The following NCEH1 variants were observed in gnomAD, a reference collection of about 807,000 sequenced individuals.
NCEH1 encodes neutral cholesterol ester hydrolase 1.
NCEH1 carries 9 observed loss-of-function variants against 25.4 expected under a neutral mutation model. The ratio of observed to expected loss-of-function variants is 0.35; its 90% CI spans 0.21 to 0.62. The LOEUF is 0.62. Ranked by LOEUF, NCEH1 falls within the 20% of genes least tolerant of loss-of-function variation. NCEH1 has a pLI of 0.72. For missense variants in NCEH1, 412 were observed against 501.1 expected (o/e 0.82, Z 1.70); for synonymous variants, 200 against 199.8 (o/e 1.00, Z -0.01).
At chr3:172,687,212 G>C (rs1256354465) in intron 1 of NCEH1, among the ~76,000 whole-genome samples, 2 of 152,022 alleles carry the variant, frequency 1.3e-5, no homozygotes, top group Non-Finnish European at 2.9e-5. Flanking sequence ...CGCTTCTCTT[G>C]GCCCCTGCGT....
intron 1 of NCEH1, among the ~76,000 whole-genome samples, chr3:172,670,923 G>C (rs1289849546): frequency 2.0e-5 from 3 of 152,102 alleles, no homozygotes; most frequent in Admixed American, 1.3e-4. Context: ...ATAGTAACCA[G>C]ATAAATGACT....
chr3:172,685,815 C>A (rs1427203476), intron 1 of NCEH1, among the ~76,000 whole-genome samples: 3 of 152,182 alleles, frequency 2.0e-5, no homozygotes, highest in Admixed American at 6.6e-5. Flanking sequence ...ACAACCAGAT[C>A]TCTGACCTCT....
Position 172,633,515 on chromosome 3 carries a change from G to C in NCEH1, c.1187C>G (p.Thr396Ser), listed in dbSNP as rs747618576. The C allele has an allele frequency of 6.2e-7, 1 of 1,614,030 alleles. No homozygotes were observed. Among genetic ancestry groups the C allele is most frequent in the African/African-American group, 1.3e-5 (1 of 75,010 alleles). ...WPTNFSVGIR[T>S]RNSYIKWLDQ... ...TAGCCACTTGATGTAACTATTCCTA[G>C]TCCGGATTCCCACTGAGAAGTTGGT... The change falls in exon 5 of 5, where the codon ACT (threonine) becomes AGT (serine). Residue 396 changes from threonine to serine, a missense_variant. Around this residue, in one of 3 missense-constraint regions of NCEH1, gnomAD observed 210 missense variants for 258.2 expected, o/e 0.81. Coordinates refer to ENST00000475381, the MANE Select transcript of NCEH1 (RefSeq NM_020792.6).
At chr3:172,664,749 C>A (rs1718125912) in intron 1 of NCEH1, among the ~76,000 whole-genome samples, 1 of 152,192 alleles carries the variant, frequency 6.6e-6, no homozygotes, top group South Asian at 2.1e-4. Flanking sequence ...TTGATCGAAT[C>A]GGCTACTGAA....
At chr3:172,677,874 G>C (rs1712110467) in intron 1 of NCEH1, among the ~76,000 whole-genome samples, 1 of 152,258 alleles carries the variant, frequency 6.6e-6, no homozygotes, top group Non-Finnish European at 1.5e-5. Context: ...CCTGCAGTGA[G>C]CTGAGATCGT....
At chr3:172,657,787 C>G (rs1717770491) in intron 1 of NCEH1, among the ~76,000 whole-genome samples, 1 of 152,226 alleles carries the variant, frequency 6.6e-6, no homozygotes, top group Admixed American at 6.5e-5. Context: ...CACCACCCTA[C>G]CCCTTGCAGT....
chr3:172,653,994 A>G (rs1291720630), intron 1 of NCEH1, among the ~76,000 whole-genome samples: 1 of 151,800 alleles, frequency 6.6e-6, no homozygotes, highest in Admixed American at 6.6e-5. Context: ...TGACCTCATG[A>G]TCCTCCCGCC....
chr3:172,634,091 A>C lies in NCEH1; in HGVS notation c.611T>G (p.Phe204Cys). 6.2e-7 allele frequency: 1 copy of C among 1,611,794 alleles called. No individual in the cohort carries two copies. Among genetic ancestry groups the C allele is most frequent in the Non-Finnish European group, 8.5e-7 (1 of 1,179,028 alleles). The change falls in exon 5 of 5, where the codon TTT (phenylalanine) becomes TGT (cysteine). Residue 204 changes from phenylalanine to cysteine, a missense_variant and splice_region_variant. By Grantham distance (205) the Phe-to-Cys change is radical. This residue lies in a region of NCEH1 where 210 missense variants were observed against 258.2 expected (regional missense o/e 0.81). Coordinates refer to ENST00000475381, the MANE Select transcript of NCEH1 (RefSeq NM_020792.6). ...ATTTTTTAGGCTGGCATCTTGAGTA[A>C]ACTAGAGAAGAGGAAGCAAATACAT... The part of the protein sequence containing the change: ...GNLAAALGQQ[F>C]TQDASLKNKL...
chr3:172,684,872 T>C (rs1712610841), intron 1 of NCEH1, among the ~76,000 whole-genome samples: 1 of 152,102 alleles, frequency 6.6e-6, no homozygotes, highest in African/African-American at 2.4e-5. Flanking sequence ...TCCCAGCTAC[T>C]TGGGAGGCTG....
chr3:172,659,893 T>C (rs757623240), intron 1 of NCEH1, among the ~76,000 whole-genome samples: 2 of 152,106 alleles, frequency 1.3e-5, no homozygotes, highest in Non-Finnish European at 2.9e-5. Context: ...CTGGTAATAA[T>C]ACAGGAGTTA....
At chr3:172,705,396 T>G (rs980049646) in intron 1 of NCEH1, among the ~76,000 whole-genome samples, 2 of 152,190 alleles carry the variant, frequency 1.3e-5, no homozygotes, top group African/African-American at 4.8e-5. Context: ...TCTTTATCTA[T>G]GATAAACATG....
chr3:172,696,049 C>T (rs1395595276), intron 1 of NCEH1, among the ~76,000 whole-genome samples: 5 of 152,116 alleles, frequency 3.3e-5, no homozygotes, highest in Non-Finnish European at 7.4e-5. Context: ...ACTAAATCTA[C>T]GGACCCTAAA....
chr3:172,668,919 T>C (rs778767107), intron 1 of NCEH1, among the ~76,000 whole-genome samples: 6 of 152,034 alleles, frequency 3.9e-5, no homozygotes, highest in Non-Finnish European at 8.8e-5. Context: ...AAAAACTGAA[T>C]GGGCTGGCTA....
At chr3:172,686,711 T>C (rs1712717796) in intron 1 of NCEH1, among the ~76,000 whole-genome samples, 1 of 152,328 alleles carries the variant, frequency 6.6e-6, no homozygotes, top group East Asian at 1.9e-4. Flanking sequence ...CGGGTGATCC[T>C]GGGCCCTTCC....
At chr3:172,661,384 GTA>G (rs1717964754) in intron 1 of NCEH1, among the ~76,000 whole-genome samples, 1 of 152,172 alleles carries the variant, frequency 6.6e-6, no homozygotes. Context: ...TAGCCTTATA[GTA>G]TAGTTTGAAG....
At chr3:172,668,481 A>G (rs1275590271) in intron 1 of NCEH1, among the ~76,000 whole-genome samples, 3 of 149,134 alleles carry the variant, frequency 2.0e-5, no homozygotes, top group African/African-American at 7.5e-5. Context: ...CAGCCTCCTG[A>G]GTAGCTGGGA....
intron 1 of NCEH1, among the ~76,000 whole-genome samples, chr3:172,649,192 A>C (rs747381664): frequency 3.3e-5 from 5 of 152,138 alleles, no homozygotes; most frequent in Non-Finnish European, 7.3e-5. Context: ...CCAGTGTCCC[A>C]TATAAACATT....
intron 1 of NCEH1, among the ~76,000 whole-genome samples, chr3:172,700,039 A>G (rs1713594765): frequency 6.6e-6 from 1 of 152,250 alleles, no homozygotes; most frequent in Admixed American, 6.5e-5. Context: ...AAAGTTACAA[A>G]CTGGAGAAAG....
At chr3:172,701,467 A>T (rs868246934) in intron 1 of NCEH1, among the ~76,000 whole-genome samples, 10 of 35,470 alleles carry the variant, frequency 2.8e-4, no homozygotes, top group African/African-American at 2.1e-3. Flanking sequence ...TTTTTTTTTT[A>T]AAGACGGAGT....
Sources: allele counts gnomAD v4.1 joint callset (sites outside exome capture counted in the v4.1 genomes callset), GRCh38; gene constraint gnomAD v4.1.1; regional missense constraint gnomAD v4.1.1; transcripts MANE v1.5; gene names NCBI Gene and HGNC (gene_info 2026-07-23, HGNC 2026-07-21).